Variants in CRHR1 observed in about 807,000 individuals in gnomAD.
CRHR1 encodes the protein corticotropin-releasing hormone receptor 1.
Under a neutral mutation model 56.0 loss-of-function variants are expected in CRHR1, and 28 were observed. The observed-to-expected ratio is 0.50, with a 90% confidence interval of 0.37 to 0.69. The LOEUF is 0.69. Ranked by LOEUF, CRHR1 falls within the 30% of genes least tolerant of loss-of-function variation. The pLI is 0.00. For missense variants in CRHR1, 376 were observed against 548.0 expected, an observed-to-expected ratio of 0.69 and a Z score of 3.13; for synonymous variants, 195 against 216.5, an observed-to-expected ratio of 0.90 and a Z score of 0.87.
intron 4 of CRHR1, among the ~76,000 whole-genome samples, chr17:45,824,854 C>G (rs1241265772): frequency 6.6e-6 from 1 of 152,078 alleles, no homozygotes; most frequent in Non-Finnish European, 1.5e-5. Context: ...ACCTGCCGCC[C>G]CCTGTCTCTC....
intron 1 of CRHR1, among the ~76,000 whole-genome samples, chr17:45,793,065 G>A (rs760582678): frequency 1.3e-5 from 2 of 152,256 alleles, no homozygotes; most frequent in Non-Finnish European, 1.5e-5. Context: ...CTGTCTGAGT[G>A]TGGAAGTGCT....
At chr17:45,830,242 A>G (rs746677749) in intron 6 of CRHR1, 28 bp downstream of exon 6, 47 of 1,612,476 alleles carry the variant, frequency 2.9e-5, no homozygotes, top group Non-Finnish European at 3.7e-5. Flanking sequence ...AGCGGGGAGC[A>G]GGTCAGGCCA....
At chr17:45,796,090 T>C (rs997315034) in intron 1 of CRHR1, among the ~76,000 whole-genome samples, 11 of 152,134 alleles carry the variant, frequency 7.2e-5, no homozygotes, top group South Asian at 2.1e-4. Context: ...GGACATCTTT[T>C]CTCTGCCGAC....
chr17:45,831,027 G>A (rs921006956), intron 8 of CRHR1, 87 bp downstream of exon 8: 1 of 1,309,526 alleles, frequency 7.6e-7, no homozygotes, highest in African/African-American at 1.5e-5. Context: ...TGGCCATGCT[G>A]GCTTTTTCCC....
intron 2 of CRHR1, among the ~76,000 whole-genome samples, chr17:45,813,827 A>G (rs2061872772): frequency 6.6e-6 from 1 of 152,222 alleles, no homozygotes; most frequent in Non-Finnish European, 1.5e-5. Flanking sequence ...GTGGCTGGGA[A>G]CCATACCACA....
rs1438345784 is a variant in CRHR1, at chr17:45,784,571, C to G, written c.27C>G (p.Leu9=). Residue 9 remains leucine, a synonymous_variant, in exon 1 of 13, where the codon CTC becomes CTG. Transcript: ENST00000314537. This position sits in a 1 kb window ranked among gnomAD's most constrained non-coding sequence, Gnocchi z 4.2. MGGHPQLR[L]VKALLLLGLN... ...TGGGAGGGCACCCGCAGCTCCGTCT[C>G]GTCAAGGTAACAGCCCGCCGGCCAT... The G allele has an allele frequency of 2.0e-5, 31 of 1,553,496 alleles. No individual in the cohort carries two copies. The highest frequency in any genetic ancestry group is 1.8e-4 in the Middle Eastern group (1 of 5,546).
chr17:45,829,606 G>A (rs770862452), intron 5 of CRHR1: 8 of 1,550,974 alleles, frequency 5.2e-6, no homozygotes, highest in Non-Finnish European at 7.0e-6. Context: ...GAGCCCTGGA[G>A]GTGGGGGCTC....
At chr17:45,803,749 A>T (rs2061665440) in intron 1 of CRHR1, among the ~76,000 whole-genome samples, 1 of 111,636 alleles carries the variant, frequency 9.0e-6, no homozygotes, top group Admixed American at 9.5e-5. Context: ...AGTTTGAGAG[A>T]GAGAGTGCGT....
At chr17:45,821,979 C>T (rs1282077138) in intron 4 of CRHR1, among the ~76,000 whole-genome samples, 2 of 152,218 alleles carry the variant, frequency 1.3e-5, no homozygotes, top group Non-Finnish European at 2.9e-5. Context: ...TGTCCCCTCC[C>T]ACCCCGTCCC....
At position 45,833,178 on chromosome 17, in the gene CRHR1, A is replaced by G. The variant is rs1260508337; in HGVS notation, c.811A>G (p.Ile271Val). The G allele has an allele frequency of 1.2e-6, 2 of 1,614,096 alleles. No individual in the cohort carries two copies. The highest frequency in any genetic ancestry group is 4.5e-5 in the East Asian group (2 of 44,850). ...GKRPGVYTDY[I>V]YQGPMILVLL... ...AAGGCCTGGGGTGTACACCGACTAC[A>G]TCTACCAGGGCCCCATGATCCTGGT... is the stretch of plus-strand genomic sequence containing the variant. The change falls in exon 9 of 13, where the codon ATC becomes GTC. Residue 271 changes from isoleucine to valine, a missense_variant. Transcript: ENST00000314537.
chr17:45,789,710 T>C (rs1348983708), intron 1 of CRHR1, among the ~76,000 whole-genome samples: 1 of 152,210 alleles, frequency 6.6e-6, no homozygotes, highest in Non-Finnish European at 1.5e-5. Flanking sequence ...TTTGGACTTG[T>C]TGCTCTAGGC....
intron 4 of CRHR1, among the ~76,000 whole-genome samples, chr17:45,824,649 C>T (rs2062118909): frequency 6.6e-6 from 1 of 152,206 alleles, no homozygotes; most frequent in Admixed American, 6.5e-5. Flanking sequence ...GTCTCATCAG[C>T]CCCCTCTTTG....
intron 3 of CRHR1, 39 bp downstream of exon 3, chr17:45,816,621 T>C: frequency 6.2e-7 from 1 of 1,612,732 alleles, no homozygotes; most frequent in Admixed American, 1.7e-5. Flanking sequence ...TGCTGGGAGG[T>C]GGGACAGGAT....
intron 4 of CRHR1, among the ~76,000 whole-genome samples, chr17:45,827,303 C>T (rs1345337322): frequency 1.3e-5 from 2 of 152,202 alleles, no homozygotes; most frequent in Non-Finnish European, 2.9e-5. Flanking sequence ...GAAGGGTCTC[C>T]CTGCACACTG....
chr17:45,829,662 G>A (rs1342707820), intron 5 of CRHR1: 2 of 1,550,014 alleles, frequency 1.3e-6, no homozygotes, highest in Admixed American at 2.0e-5. Flanking sequence ...CTGGGCCCCA[G>A]CACTACCGCC....
chr17:45,787,397 G>A (rs2146249291), intron 1 of CRHR1, among the ~76,000 whole-genome samples: 1 of 152,272 alleles, frequency 6.6e-6, no homozygotes. Flanking sequence ...GGGTGCAGAA[G>A]GCAAGGCCTC....
Position 45,834,673 on chromosome 17 carries a change from C to T in CRHR1, c.1157C>T (p.Ser386Leu), listed in dbSNP as rs548570748. Reference protein sequence around the residue: ...KRWHRWQDKHSIRARVARAMS... With the variant: ...KRWHRWQDKHLIRARVARAMS... ...TGGCACCGGTGGCAGGACAAGCACT[C>T]GATCCGTGCCCGAGTGGCCCGTGCC... Residue 386 changes from serine (S) to leucine (L), a missense_variant, in exon 13 of 13, where the codon TCG (serine) becomes TTG (leucine). This residue lies in a region of CRHR1 where 369 missense variants were observed against 519.5 expected (regional missense o/e 0.71). Coordinates refer to ENST00000314537, the MANE Select transcript of CRHR1 (RefSeq NM_004382.5). The T allele has an allele frequency of 1.9e-6, 3 of 1,613,502 alleles. No individual in the cohort carries two copies. Among genetic ancestry groups the T allele is most frequent in the South Asian group, 1.1e-5 (1 of 91,082 alleles).
intron 4 of CRHR1, chr17:45,826,755 T>G (rs985312502): frequency 1.3e-5 from 2 of 152,258 alleles, no homozygotes; most frequent in African/African-American, 4.8e-5. Flanking sequence ...ACAGGTGGAT[T>G]GCCTGAGCTC....
intron 1 of CRHR1, among the ~76,000 whole-genome samples, chr17:45,787,848 G>A (rs903509654): frequency 6.6e-6 from 1 of 152,230 alleles, no homozygotes; most frequent in Non-Finnish European, 1.5e-5. Flanking sequence ...GCGAAACAGT[G>A]AGCCCAGGGT....
Sources: allele counts gnomAD v4.1 joint callset (sites outside exome capture counted in the v4.1 genomes callset), GRCh38; gene constraint gnomAD v4.1.1; regional missense constraint gnomAD v4.1.1; non-coding constraint Gnocchi (gnomAD v3.1); transcripts MANE v1.5; gene names NCBI Gene and HGNC (gene_info 2026-07-23, HGNC 2026-07-21).